The following PRRC2B variants were observed in gnomAD, a reference collection of about 807,000 sequenced individuals.
PRRC2B encodes the protein protein PRRC2B.
A neutral mutation model predicts 242.3 loss-of-function variants in PRRC2B; 68 were observed. The observed-to-expected ratio is 0.28, with a 90% CI of 0.23 to 0.34. PRRC2B has a LOEUF of 0.34. PRRC2B is among the 10% of genes least tolerant of loss of function. PRRC2B has a pLI of 1.00. For missense variants in PRRC2B, 2,835 were observed against 2,954.8 expected (o/e 0.96, Z 0.94); for synonymous variants, 1,228 against 1,173.6 (o/e 1.05, Z -0.95).
intron 15 of PRRC2B, among the ~76,000 whole-genome samples, chr9:131,474,205 A>G (rs537656061): frequency 6.6e-6 from 1 of 152,122 alleles, no homozygotes; most frequent in South Asian, 2.1e-4. Context: ...CTTCACTCTC[A>G]AGGACTCCAG....
chr9:131,384,968 A>G (rs1264376604), intron 1 of PRRC2B, among the ~76,000 whole-genome samples: 1 of 152,132 alleles, frequency 6.6e-6, no homozygotes, highest in Non-Finnish European at 1.5e-5. Flanking sequence ...GGCATGAACC[A>G]ATGAGCAAGT....
intron 26 of PRRC2B, chr9:131,486,588 A>G (rs1213853957): frequency 1.1e-6 from 1 of 882,490 alleles, no homozygotes; most frequent in Non-Finnish European, 1.3e-6. Context: ...CAGGACTGGC[A>G]TACTTTCTGT....
rs200465163 is a variant in PRRC2B, at chr9:131,476,018, C to T, written c.3889C>T (p.Arg1297Trp). ...HVADSENAEN[R>W]PFRRRRPPRQ... ...GGCAGATTCTGAAAATGCAGAGAAC[C>T]GGCCCTTCAGGAGAAGGCGCCCCCC... The change falls in exon 16 of 32, where the codon CGG becomes TGG. Residue 1297 changes from arginine (R) to tryptophan (W), a missense_variant. Transcript: ENST00000683519. 15 of 1,606,592 alleles carry T rather than the reference C, an allele frequency of 9.3e-6. No homozygotes were observed. Among genetic ancestry groups the T allele is most frequent in the South Asian group, 4.4e-5 (4 of 90,864 alleles).
intron 1 of PRRC2B, among the ~76,000 whole-genome samples, chr9:131,420,267 G>A (rs546432963): frequency 1.3e-5 from 2 of 151,782 alleles, no homozygotes; most frequent in South Asian, 2.1e-4. Flanking sequence ...GAGAGTTTGT[G>A]CAGTGTTCTG....
At chr9:131,393,260 G>A (rs1230013063), upstream of PRRC2B, among the ~76,000 whole-genome samples, 1 of 152,336 alleles carries the variant, frequency 6.6e-6, no homozygotes, top group Non-Finnish European at 1.5e-5. Context: ...TAGAGCAACC[G>A]TGACTGGAAG....
At chr9:131,389,149 ATTTTTT>A (rs71501254), upstream of PRRC2B, among the ~76,000 whole-genome samples, 2 of 108,852 alleles carry the variant, frequency 1.8e-5, no homozygotes, top group Non-Finnish European at 3.7e-5. Context: ...GCTCCTTTCA[ATTTTTT>A]TTTTTTTTTT....
chr9:131,478,642 G>GGGCCCC, intron 18 of PRRC2B, 23 bp downstream of exon 18: 1 of 482,028 alleles, frequency 2.1e-6, no homozygotes, highest in Non-Finnish European at 4.2e-6. Flanking sequence ...GGGTGGGGGG[G>GGGCCCC]CATGGGGCTG....
chr9:131,411,171 C>T (rs541434255), intron 1 of PRRC2B, among the ~76,000 whole-genome samples: 4 of 151,570 alleles, frequency 2.6e-5, no homozygotes, highest in South Asian at 2.1e-4. Context: ...GCAGGAGAAT[C>T]GCCTGAACCC....
intron 1 of PRRC2B, among the ~76,000 whole-genome samples, chr9:131,407,961 C>T (rs1228530821): frequency 6.6e-6 from 1 of 152,212 alleles, no homozygotes; most frequent in Non-Finnish European, 1.5e-5. Flanking sequence ...GGAGTATTTC[C>T]TCACCGGGGT....
chr9:131,490,620 A>C (rs767369226), intron 28 of PRRC2B: 1 of 518,688 alleles, frequency 1.9e-6, no homozygotes, highest in South Asian at 1.4e-5. Flanking sequence ...CTGTCCTTAC[A>C]GTCTCTGGGC....
At chr9:131,493,130 C>G (rs1564303936) in intron 30 of PRRC2B, among the ~76,000 whole-genome samples, 1 of 79,570 alleles carries the variant, frequency 1.3e-5, no homozygotes, top group African/African-American at 4.0e-5. Context: ...GCTGCACCCC[C>G]TCTGCCTTGC....
chr9:131,382,603 C>G (rs986342940), intron 1 of PRRC2B, among the ~76,000 whole-genome samples: 3 of 151,506 alleles, frequency 2.0e-5, no homozygotes, highest in Non-Finnish European at 4.4e-5. Flanking sequence ...CTGGTTCGTT[C>G]GGACCCAGTG....
intron 1 of PRRC2B, 124 bp from the exon 2 acceptor site, chr9:131,429,970 G>A (rs750901095): frequency 1.7e-6 from 1 of 600,370 alleles, no homozygotes; most frequent in African/African-American, 1.9e-5. Flanking sequence ...GCCATCTTCA[G>A]ATCTTCAAGG....
chr9:131,450,505 T>C (rs1264013718), intron 9 of PRRC2B, among the ~76,000 whole-genome samples: 2 of 150,186 alleles, frequency 1.3e-5, no homozygotes, highest in Non-Finnish European at 3.0e-5. Flanking sequence ...GACCTTGTGA[T>C]CTGCCCACCT....
chr9:131,462,052 CT>C (rs994173561), intron 11 of PRRC2B, among the ~76,000 whole-genome samples: 6 of 151,340 alleles, frequency 4.0e-5, no homozygotes, highest in Non-Finnish European at 4.4e-5. Flanking sequence ...CTCCGTATTC[CT>C]TTTTTTTTCC....
chr9:131,437,963 G>C (rs568723563), intron 4 of PRRC2B, among the ~76,000 whole-genome samples: 1 of 152,306 alleles, frequency 6.6e-6, no homozygotes, highest in South Asian at 2.1e-4. Flanking sequence ...TGAATGAATT[G>C]CTGAAGGGGA....
chr9:131,426,092 C>T (rs973133040), intron 1 of PRRC2B, among the ~76,000 whole-genome samples: 7 of 151,818 alleles, frequency 4.6e-5, no homozygotes, highest in African/African-American at 1.7e-4. Flanking sequence ...AATCCCAGCA[C>T]TTTGGGAAGC....
Position 131,475,108 on chromosome 9 carries a change from C to T in PRRC2B, c.2979C>T (p.Ala993=). 1 of 1,611,876 alleles carries T rather than the reference C, an allele frequency of 6.2e-7. No individual in the cohort carries two copies. Among genetic ancestry groups the T allele is most frequent in the Non-Finnish European group, 8.5e-7 (1 of 1,178,980 alleles). The change falls in exon 16 of 32, where the codon GCC becomes GCT. Residue 993 remains alanine, a synonymous_variant. Coordinates refer to ENST00000683519, the MANE Select transcript of PRRC2B (RefSeq NM_013318.4). ...AGGATGAGGACGAAGAGAACGATGC[C>T]TCTCTGGCCAACTCCTCCACCACCA... ...AEKDEDEEND[A]SLANSSTTTL... is the part of the protein sequence containing the mutation.
At position 131,491,521 on chromosome 9, in the gene PRRC2B, G is replaced by T. The variant is rs574008495; in HGVS notation, c.6322G>T (p.Ala2108Ser). Residue 2108 changes from alanine to serine, a missense_variant, in exon 29 of 32, where the codon GCC becomes TCC. Physicochemically the swap from Ala to Ser is moderately conservative, Grantham distance 99. Around this residue, in one of 7 missense-constraint regions of PRRC2B, gnomAD observed 574 missense variants for 626.0 expected, o/e 0.92. Transcript: ENST00000683519. The part of the protein sequence containing the change: ...LPPGQSLSVG[A>S]PRRIPPPGSQ... ...ACCTGGGCAGAGCCTCTCCGTTGGG[G>T]CCCCCCGAAGGATTCCTCCGCCCGG... 3 of 1,612,036 alleles carry T rather than the reference G, an allele frequency of 1.9e-6. No homozygotes were observed. Among genetic ancestry groups the T allele is most frequent in the Admixed American group, 3.3e-5 (2 of 59,900 alleles).
Sources: allele counts gnomAD v4.1 joint callset (sites outside exome capture counted in the v4.1 genomes callset), GRCh38; gene constraint gnomAD v4.1.1; regional missense constraint gnomAD v4.1.1; transcripts MANE v1.5; gene names NCBI Gene and HGNC (gene_info 2026-07-23, HGNC 2026-07-21).